ATP8B1: variants seen among roughly 807,000 people sequenced by gnomAD.
The protein encoded by ATP8B1 is phospholipid-transporting ATPase IC.
A neutral mutation model predicts 149.9 loss-of-function variants in ATP8B1; 80 were observed. The ratio of observed to expected loss-of-function variants is 0.53; its 90% CI spans 0.45 to 0.64. The LOEUF is 0.64. Among genes scored for constraint, ATP8B1 ranks in the 30% least tolerant of loss-of-function variants. ATP8B1 has a pLI of 0.00. For missense variants in ATP8B1, 1,247 were observed against 1,552.6 expected (o/e 0.80, Z 3.31); for synonymous variants, 536 against 562.8 (o/e 0.95, Z 0.67).
chr18:57,670,359 T>C (rs1911151993), intron 17 of ATP8B1, among the ~76,000 whole-genome samples: 3 of 151,094 alleles, frequency 2.0e-5, no homozygotes, highest in Non-Finnish European at 4.4e-5. Context: ...CTTTTTCTTT[T>C]TTTTTTTTTT....
chr18:57,708,151 C>G (rs1913503868), intron 2 of ATP8B1, among the ~76,000 whole-genome samples: 1 of 116,296 alleles, frequency 8.6e-6, no homozygotes, highest in Admixed American at 1.0e-4. Context: ...GACGGAAACT[C>G]TGTCTCAAAA....
intron 1 of ATP8B1, among the ~76,000 whole-genome samples, chr18:57,790,232 CCT>C (rs1272142136): frequency 2.0e-5 from 3 of 151,580 alleles, no homozygotes; most frequent in East Asian, 1.9e-4. Flanking sequence ...AAACCCCCAT[CCT>C]CTCTCTCTCA....
chr18:57,724,032 A>G (rs1181579764), intron 2 of ATP8B1, among the ~76,000 whole-genome samples: 3 of 151,822 alleles, frequency 2.0e-5, no homozygotes, highest in African/African-American at 7.3e-5. Flanking sequence ...GGTGCTGGGA[A>G]AACTGGCTAG....
chr18:57,749,284 G>A (rs2079994071), intron 1 of ATP8B1, among the ~76,000 whole-genome samples: 1 of 152,094 alleles, frequency 6.6e-6, no homozygotes, highest in African/African-American at 2.4e-5. Context: ...AAGTAGTACA[G>A]AGAATATATA....
At chr18:57,726,579 C>A (rs1401860821) in intron 2 of ATP8B1, among the ~76,000 whole-genome samples, 3 of 152,120 alleles carry the variant, frequency 2.0e-5, no homozygotes, top group African/African-American at 7.2e-5. Context: ...CTGAGAACCC[C>A]CAGTTAGTGC....
intron 8 of ATP8B1, among the ~76,000 whole-genome samples, chr18:57,696,669 G>A (rs989940644): frequency 2.0e-5 from 3 of 152,090 alleles, no homozygotes; most frequent in Non-Finnish European, 4.4e-5. Flanking sequence ...TGCACATCTG[G>A]AGCGTGAGGC....
chr18:57,701,550 A>G (rs1425974991), intron 4 of ATP8B1, among the ~76,000 whole-genome samples: 1 of 152,206 alleles, frequency 6.6e-6, no homozygotes, highest in Non-Finnish European at 1.5e-5. Context: ...TCCTGAAATT[A>G]TCTCATTGCA....
intron 1 of ATP8B1, among the ~76,000 whole-genome samples, chr18:57,759,272 G>A (rs12967752): frequency 0.45 from 67,191 of 150,800 alleles, 15,346 homozygotes; most frequent in Middle Eastern, 0.53. Flanking sequence ...GGTCCTTAAA[G>A]TCTAGCTTTC....
chr18:57,759,094 T>C (rs1388012046), intron 1 of ATP8B1, among the ~76,000 whole-genome samples: 2 of 141,402 alleles, frequency 1.4e-5, no homozygotes, highest in Non-Finnish European at 3.0e-5. Context: ...AGGTGGAGGT[T>C]GCAATGAGCT....
At chr18:57,706,623 A>G in intron 2 of ATP8B1, 36 bp from the exon 3 acceptor site, 1 of 1,510,794 alleles carries the variant, frequency 6.6e-7, no homozygotes, top group Non-Finnish European at 9.2e-7. Context: ...GTAAGTAGCA[A>G]ATTAACATGT....
chr18:57,795,203 C>A (rs568994498), intron 1 of ATP8B1, among the ~76,000 whole-genome samples: 1 of 151,650 alleles, frequency 6.6e-6, no homozygotes, highest in East Asian at 1.9e-4. Context: ...TCAGCCTGGG[C>A]GACATATCGA....
intron 3 of ATP8B1, among the ~76,000 whole-genome samples, chr18:57,705,930 C>T (rs1913368271): frequency 6.6e-6 from 1 of 152,152 alleles, no homozygotes; most frequent in Admixed American, 6.5e-5. Context: ...GGCACAATTT[C>T]AGCTCACTGA....
chr18:57,691,930 A>T lies in ATP8B1; in HGVS notation c.1097T>A (p.Val366Glu). Residue 366 changes from valine (V) to glutamate (E), a missense_variant, in exon 12 of 28, where the codon GTG becomes GAG. This residue lies in a region of ATP8B1 where 853 missense variants were observed against 1,035.7 expected (regional missense o/e 0.82). Transcript: ENST00000648908. Reference sequence around the variant, plus strand: ...ATAGAGGTACCAAGAGGAATTGCCCACCTGTGCTTCCCAATAAGCATGGCC... The same window carrying T: ...ATAGAGGTACCAAGAGGAATTGCCCTCCTGTGCTTCCCAATAAGCATGGCC... ...AIGHAYWEAQ[V>E]GNSSWYLYDG... 2 of 1,614,168 alleles carry T rather than the reference A, an allele frequency of 1.2e-6. No individual in the cohort carries two copies. The highest frequency in any genetic ancestry group is 1.7e-6 in the Non-Finnish European group (2 of 1,180,040).
At chr18:57,714,163 TGTG>T (rs942105535) in intron 2 of ATP8B1, among the ~76,000 whole-genome samples, 4 of 152,120 alleles carry the variant, frequency 2.6e-5, no homozygotes, top group African/African-American at 9.7e-5. Context: ...CTCATAGGCC[TGTG>T]GTGGTGGTGG....
intron 15 of ATP8B1, among the ~76,000 whole-genome samples, chr18:57,679,483 A>G (rs11877116): frequency 2.0e-5 from 3 of 151,460 alleles, no homozygotes; most frequent in Non-Finnish European, 4.4e-5. Context: ...AACCAGAAAG[A>G]CCTTCTTTTT....
chr18:57,694,578 A>C lies in ATP8B1; in HGVS notation c.1029+4T>G. 8 of 1,531,242 alleles carry C rather than the reference A, an allele frequency of 5.2e-6. No homozygotes were observed. Among genetic ancestry groups the C allele is most frequent in the Non-Finnish European group, 7.2e-6 (8 of 1,105,204 alleles). 94.9% of individuals were successfully genotyped at this position (1,531,242 alleles called of 1,614,324 possible). Reference sequence around the variant, plus strand: ...AGAGATCTACTGAGATGAAAAATAAATACCGTGTAAACCATGTAGTTCATC... The same window carrying C: ...AGAGATCTACTGAGATGAAAAATAACTACCGTGTAAACCATGTAGTTCATC... On this transcript the variant is annotated splice_donor_region_variant and intron_variant, in intron 11 of 27. Transcript: ENST00000648908.
At chr18:57,753,476 G>A (rs2080042798) in intron 1 of ATP8B1, among the ~76,000 whole-genome samples, 1 of 152,134 alleles carries the variant, frequency 6.6e-6, no homozygotes, top group Admixed American at 6.5e-5. Flanking sequence ...ATAAACCAAT[G>A]TATTAACATG....
chr18:57,738,704 C>T (rs1599177541), intron 1 of ATP8B1, among the ~76,000 whole-genome samples: 1 of 152,240 alleles, frequency 6.6e-6, no homozygotes, highest in South Asian at 2.1e-4. Flanking sequence ...AATACTCCTC[C>T]AATTCATCAC....
At chr18:57,712,372 T>C (rs1913731565) in intron 2 of ATP8B1, among the ~76,000 whole-genome samples, 1 of 152,146 alleles carries the variant, frequency 6.6e-6, no homozygotes. Context: ...GGCTTTGCAC[T>C]GAACTCAGTG....
Sources: allele counts gnomAD v4.1 joint callset (sites outside exome capture counted in the v4.1 genomes callset), GRCh38; gene constraint gnomAD v4.1.1; regional missense constraint gnomAD v4.1.1; transcripts MANE v1.5; gene names NCBI Gene and HGNC (gene_info 2026-07-23, HGNC 2026-07-21).